The following AKAP6 variants were observed in gnomAD, a reference collection of about 807,000 sequenced individuals.
AKAP6 encodes the protein A-kinase anchor protein 6.
AKAP6 carries 58 observed loss-of-function variants against 188.5 expected under a neutral mutation model. The observed-to-expected ratio is 0.31, with a 90% confidence interval of 0.25 to 0.38. The LOEUF (loss-of-function observed/expected upper bound fraction) is 0.38. Among genes scored for constraint, AKAP6 ranks in the 10% least tolerant of loss-of-function variants. AKAP6 has a pLI of 1.00. For synonymous variants in AKAP6, 989 were observed against 998.6 expected (o/e 0.99, Z 0.18); for missense variants, 2,710 against 2,740.0 (o/e 0.99, Z 0.24).
chr14:32,763,163 C>T (rs2032596514), intron 11 of AKAP6, among the ~76,000 whole-genome samples: 1 of 152,144 alleles, frequency 6.6e-6, no homozygotes, highest in South Asian at 2.1e-4. Context: ...TTTTTAAAAT[C>T]TAGCTTTTAC....
chr14:32,519,640 A>T (rs1566551921), intron 2 of AKAP6, among the ~76,000 whole-genome samples: 1 of 152,222 alleles, frequency 6.6e-6, no homozygotes, highest in Non-Finnish European at 1.5e-5. Context: ...CAACAGGAAG[A>T]GCTAACTGTC....
chr14:32,550,466 G>T (rs1271502969), intron 4 of AKAP6, among the ~76,000 whole-genome samples: 1 of 152,176 alleles, frequency 6.6e-6, no homozygotes, highest in African/African-American at 2.4e-5. Flanking sequence ...GTTAATGGTG[G>T]ATAATTGTTA....
At chr14:32,534,811 C>T (rs932930535) in intron 2 of AKAP6, among the ~76,000 whole-genome samples, 1 of 151,760 alleles carries the variant, frequency 6.6e-6, no homozygotes, top group African/African-American at 2.4e-5. Context: ...ACTAAAAACA[C>T]AAAAATTAGC....
At position 32,754,262 on chromosome 14, in the gene AKAP6, T is replaced by A. The variant is rs371820114; in HGVS notation, c.3372+18380T>A. On this transcript the variant is annotated intron_variant, in intron 11 of 13. Transcript: ENST00000280979. ...CTTTATCATTATAAAATGACCATCT[T>A]TGTCTCTTGTGAAAGTTTTTGTCTG... 1.4e-4 allele frequency among the ~76,000 whole-genome samples: 22 copies of A among 152,200 alleles called. 1 individual carries two copies. The highest frequency in any genetic ancestry group is 8.3e-4 in the South Asian group (4 of 4,830).
At chr14:32,510,444 ATATATACATATATATGTG>A (rs1361451835) in intron 2 of AKAP6, among the ~76,000 whole-genome samples, 2 of 22,528 alleles carry the variant, frequency 8.9e-5, no homozygotes, top group African/African-American at 4.1e-4. Context: ...ATGTGTATAT[ATATATACATATATATGTG>A]TATATATATA....
chr14:32,541,118 C>T (rs932733496), intron 3 of AKAP6, among the ~76,000 whole-genome samples: 1 of 152,004 alleles, frequency 6.6e-6, no homozygotes, highest in African/African-American at 2.4e-5. Context: ...AATCACTCAA[C>T]TGTCTCACTG....
rs546819675 is a variant in AKAP6 at position 32,811,255 on chromosome 14, A to AAAAAAAAAAAAAAAAAT, written c.3589-10146_3589-10145insAAAAAAAAAAAAAAATA. Reference sequence around the variant, plus strand: ...CTCCGTCTCAGGAAAAAAAAAAAAAAAGTTGAAAAACAGACTAAGATAATG... The same window carrying AAAAAAAAAAAAAAAAAT: ...CTCCGTCTCAGGAAAAAAAAAAAAAAAAAAAAAAAAAAAAAATAGTTGAAAAACAGACTAAGATAATG... On this transcript the variant is annotated intron_variant, in intron 12 of 13. Transcript: ENST00000280979. Among the ~76,000 whole-genome samples the AAAAAAAAAAAAAAAAAT allele has an allele frequency of 4.1e-4, 48 of 118,338 alleles. 6 individuals carry two copies. Among genetic ancestry groups the AAAAAAAAAAAAAAAAAT allele is most frequent in the East Asian group, 2.1e-3 (8 of 3,842 alleles). 77.6% of individuals were successfully genotyped at this position (118,338 alleles called of 152,430 possible).
chr14:32,825,691 A>T (rs2140157772), intron 13 of AKAP6, among the ~76,000 whole-genome samples: 1 of 152,290 alleles, frequency 6.6e-6, no homozygotes, highest in East Asian at 1.9e-4. Flanking sequence ...TGCTTTCTCA[A>T]TCAAGTTTAA....
intron 12 of AKAP6, among the ~76,000 whole-genome samples, chr14:32,793,449 G>A (rs892699369): frequency 6.6e-6 from 1 of 152,026 alleles, no homozygotes; most frequent in Non-Finnish European, 1.5e-5. Context: ...TAATGGTAAA[G>A]GGCTCAATTC....
intron 4 of AKAP6, among the ~76,000 whole-genome samples, chr14:32,558,206 A>G (rs1032132483): frequency 3.9e-5 from 6 of 152,226 alleles, no homozygotes; most frequent in Non-Finnish European, 7.3e-5. Flanking sequence ...GACAGTGCAC[A>G]TAATTATTAA....
At chr14:32,677,973 G>GCTA (rs1429526548) in intron 7 of AKAP6, among the ~76,000 whole-genome samples, 8 of 152,112 alleles carry the variant, frequency 5.3e-5, no homozygotes, top group Non-Finnish European at 1.0e-4. Flanking sequence ...AAAAATAAGT[G>GCTA]CTACATATGT....
rs147409461 is a variant in AKAP6, at chr14:32,614,269, A to G, written c.2730+13477A>G. Among the ~76,000 whole-genome samples the G allele has an allele frequency of 2.5e-3, 376 of 152,320 alleles. 1 individual carries two copies. Among genetic ancestry groups the G allele is most frequent in the African/African-American group, 8.5e-3 (354 of 41,570 alleles). ...AATAGCATCTTTTATCATTATCTAC[A>G]GATACTTTTTGTCTCAGTTGTACAC... On this transcript the variant is annotated intron_variant, in intron 7 of 13. Transcript: ENST00000280979.
chr14:32,536,298 A>C (rs758321055), intron 3 of AKAP6, among the ~76,000 whole-genome samples: 5 of 152,202 alleles, frequency 3.3e-5, no homozygotes, highest in Non-Finnish European at 7.3e-5. Context: ...AAATGACTCT[A>C]CCTGAGACGT....
At chr14:32,786,978 G>A (rs1239523183) in intron 12 of AKAP6, among the ~76,000 whole-genome samples, 3 of 152,006 alleles carry the variant, frequency 2.0e-5, no homozygotes, top group Non-Finnish European at 4.4e-5. Context: ...ACATTTATTG[G>A]CCCCAAAAAT....
At chr14:32,678,094 G>A (rs1244111882) in intron 7 of AKAP6, among the ~76,000 whole-genome samples, 9 of 152,162 alleles carry the variant, frequency 5.9e-5, no homozygotes, top group African/African-American at 9.7e-5. Flanking sequence ...AGAGTCTTCT[G>A]AGGGTTCATT....
intron 11 of AKAP6, among the ~76,000 whole-genome samples, chr14:32,741,346 T>A (rs2031664889): frequency 6.6e-6 from 1 of 152,094 alleles, no homozygotes; most frequent in Admixed American, 6.6e-5. Context: ...CTGATTTGGA[T>A]GCCTCTATTT....
At chr14:32,621,601 A>C (rs1010199082) in intron 7 of AKAP6, among the ~76,000 whole-genome samples, 1 of 152,076 alleles carries the variant, frequency 6.6e-6, no homozygotes, top group Admixed American at 6.6e-5. Context: ...CATATGGTCT[A>C]TCTTGGAGAA....
intron 1 of AKAP6, among the ~76,000 whole-genome samples, chr14:32,342,605 T>C (rs1886925282): frequency 6.6e-6 from 1 of 152,208 alleles, no homozygotes; most frequent in African/African-American, 2.4e-5. Flanking sequence ...TTTCTGCTGC[T>C]CTTTGAACCT....
chr14:32,766,689 A>G (rs2032729431), intron 11 of AKAP6, among the ~76,000 whole-genome samples: 1 of 152,086 alleles, frequency 6.6e-6, no homozygotes, highest in African/African-American at 2.4e-5. Context: ...AAATTGAGTT[A>G]CTGGTCTTGA....
Sources: gnomAD v4.1 joint callset for allele counts (sites outside exome capture counted in the v4.1 genomes callset) on GRCh38, gnomAD v4.1.1 for gene constraint, MANE v1.5 for transcripts, NCBI Gene and HGNC (gene_info 2026-07-23, HGNC 2026-07-21) for gene names.